The following LRP8 variants were observed in gnomAD, a reference collection of about 807,000 sequenced individuals.
The protein encoded by LRP8 is low-density lipoprotein receptor-related protein 8.
In LRP8, 46 loss-of-function variants were observed where a neutral mutation model predicts 111.6. That is an observed-to-expected ratio of 0.41 (90% confidence interval 0.33 to 0.53). LRP8 has a LOEUF of 0.53. Among genes scored for constraint, LRP8 ranks in the 20% least tolerant of loss-of-function variants. LRP8 has a pLI of 0.20. For synonymous variants in LRP8, 464 were observed against 511.2 expected (o/e 0.91, Z 1.24); for missense variants, 959 against 1,297.4 (o/e 0.74, Z 4.01).
intron 3 of LRP8, among the ~76,000 whole-genome samples, chr1:53,283,172 C>G (rs906019624): frequency 6.6e-6 from 1 of 152,070 alleles, no homozygotes; most frequent in African/African-American, 2.4e-5. Flanking sequence ...GATCAGTACT[C>G]TTACAAAAGA....
At position 53,244,715 on chromosome 1, in the gene LRP8, G is replaced by T. The variant is rs1430831854; in HGVS notation, c.*2303C>A. 6.6e-6 allele frequency: 1 copy of T among 152,188 alleles called. No homozygotes were observed. The highest frequency in any genetic ancestry group is 1.5e-5 in the Non-Finnish European group (1 of 68,034). 9.4% of individuals were successfully genotyped at this position (152,188 alleles called of 1,614,324 possible). ...TTTCTGTGAATGCCAGGATCTTACT[G>T]AAAGTTTAGAAACTATGCCTTAGCC... is the stretch of plus-strand genomic sequence containing the variant. On this transcript the variant is annotated 3_prime_UTR_variant, in exon 19 of 19. Coordinates refer to ENST00000306052, the MANE Select transcript of LRP8 (RefSeq NM_004631.5).
In LRP8 at chr1:53,250,591, GGGAAGAAAGGATGGGAA is replaced by G. The variant is rs1025365275; in HGVS notation, c.2676+82_2676+98del. On this transcript the variant is annotated intron_variant, in intron 17 of 18. Transcript: ENST00000306052. The surrounding 1 kb of genome is among the most constrained non-coding windows in gnomAD (Gnocchi z 4.6). ...GGGAAGGACGGAAGGAAGGAAGGGA[GGGAAGAAAGGATGGGAA>G]GGAAGAAAGGATGGGAGGGGAAGAA... 2.9e-5 allele frequency: 30 copies of G among 1,025,492 alleles called. No homozygotes were observed. The highest frequency in any genetic ancestry group is 2.8e-4 in the African/African-American group (18 of 63,238). 63.5% of individuals were successfully genotyped at this position (1,025,492 alleles called of 1,614,324 possible).
chr1:53,249,520 GCTCTGCC>G lies in LRP8; in HGVS notation c.2706_2712del (p.Trp902CysfsTer52). On this transcript the variant is annotated frameshift_variant, in exon 18 of 19. Transcript: ENST00000306052. LOFTEE classifies it high-confidence loss of function. The surrounding 1 kb of genome is among the most constrained non-coding windows in gnomAD (Gnocchi z 4.1). ...GGTTCTCTGGTCTCCCCAAGACAGG[GCTCTGCC>G]CACAGTGGGCGATCAAAGCTGCTGA... is the stretch of plus-strand genomic sequence containing the variant. The G allele has an allele frequency of 6.2e-7, 1 of 1,611,968 alleles. No homozygotes were observed. The highest frequency in any genetic ancestry group is 8.5e-7 in the Non-Finnish European group (1 of 1,178,658).
At chr1:53,313,702 G>C (rs1653402841) in intron 2 of LRP8, among the ~76,000 whole-genome samples, 1 of 152,176 alleles carries the variant, frequency 6.6e-6, no homozygotes, top group South Asian at 2.1e-4. Context: ...GGTGTGGCTG[G>C]ACAGGAGACG....
At chr1:53,296,813 G>A (rs1445932029) in intron 2 of LRP8, among the ~76,000 whole-genome samples, 1 of 152,222 alleles carries the variant, frequency 6.6e-6, no homozygotes, top group African/African-American at 2.4e-5. Flanking sequence ...CCCACTACCA[G>A]AGCCACCCTC....
Position 53,276,883 on chromosome 1 carries a change from T to G in LRP8, c.692A>C (p.Gln231Pro). The change falls in exon 5 of 19, where the codon CAG becomes CCG. Residue 231 changes from glutamine to proline, a missense_variant. Gln to Pro is a moderately conservative substitution (Grantham distance 76). Transcript: ENST00000306052. Reference protein sequence around the residue: ...CIPERWVCDRQFDCEDRSDEA... With the variant: ...CIPERWVCDRPFDCEDRSDEA... ...GTCCGAGCGGTCCTCGCAGTCAAAC[T>G]GGCGGTCGCAGACCCAGCGCTCCGG... 1 of 1,409,546 alleles carries G rather than the reference T, an allele frequency of 7.1e-7. No homozygotes were observed. The highest frequency in any genetic ancestry group is 9.2e-7 in the Non-Finnish European group (1 of 1,084,746). The allele number at this position is 1,409,546 out of a possible 1,614,324, so 87.3% of individuals were successfully genotyped here.
In LRP8 at chr1:53,280,573, G is replaced by C. The variant is rs745578113; in HGVS notation, c.496+14C>G. On this transcript the variant is annotated intron_variant, in intron 4 of 18. Transcript: ENST00000306052. Reference sequence around the variant, plus strand: ...CATGCTTGGCAGACCCTGGAGATCTGACCCCAGACTCACAGGTAGCACAGC... The same window carrying C: ...CATGCTTGGCAGACCCTGGAGATCTCACCCCAGACTCACAGGTAGCACAGC... 6 of 1,610,650 alleles carry C rather than the reference G, an allele frequency of 3.7e-6. No individual in the cohort carries two copies. The Admixed American group carries it at 1.0e-4, about 27-fold the overall frequency.
intron 2 of LRP8, among the ~76,000 whole-genome samples, chr1:53,302,428 C>T (rs1257468915): frequency 1.3e-5 from 2 of 152,108 alleles, no homozygotes; most frequent in Non-Finnish European, 2.9e-5. Context: ...TGGAGACCAC[C>T]AAGGTCGGTG....
intron 15 of LRP8, among the ~76,000 whole-genome samples, chr1:53,256,982 G>C (rs1364259742): frequency 6.6e-6 from 1 of 152,162 alleles, no homozygotes. Flanking sequence ...GTTGTGGAAG[G>C]GTGGTTATTT....
chr1:53,251,682 T>C (rs532760433), intron 16 of LRP8, among the ~76,000 whole-genome samples: 47 of 151,524 alleles, frequency 3.1e-4, no homozygotes, highest in Non-Finnish European at 5.4e-4. Context: ...GCAGTTATCA[T>C]TGCTAATATT....
In LRP8 at chr1:53,259,582, A is replaced by AT. The variant is rs560213424; in HGVS notation, c.2056+881dup. Among the ~76,000 whole-genome samples the AT allele has an allele frequency of 5.8e-3, 858 of 147,046 alleles. 13 individuals carry two copies. Among genetic ancestry groups the AT allele is most frequent in the East Asian group, 0.043 (214 of 5,024 alleles). ...AATTCGTCAAACCTATACTCTAGGA[A>AT]TTTTTTTTTTTTTTAAGAGGTAGGG... On this transcript the variant is annotated intron_variant, in intron 13 of 18. Coordinates refer to ENST00000306052, the MANE Select transcript of LRP8 (RefSeq NM_004631.5).
At chr1:53,309,041 G>A (rs1652521061) in intron 2 of LRP8, among the ~76,000 whole-genome samples, 1 of 152,210 alleles carries the variant, frequency 6.6e-6, no homozygotes, top group South Asian at 2.1e-4. Context: ...TTGGGAGGCT[G>A]AGACGGGCAG....
intron 8 of LRP8, 144 bp downstream of exon 8, chr1:53,270,884 G>C (rs1317543703): frequency 8.5e-7 from 1 of 1,173,410 alleles, no homozygotes; most frequent in Non-Finnish European, 1.2e-6. Context: ...GCTAGACAAG[G>C]GACCGAGGAT....
At position 53,293,475 on chromosome 1, in the gene LRP8, C is replaced by T. The variant is rs1028196032; in HGVS notation, c.245-3786G>A. Among the ~76,000 whole-genome samples the T allele has an allele frequency of 9.2e-5, 14 of 152,258 alleles. No homozygotes were observed. Among genetic ancestry groups the T allele is most frequent in the Middle Eastern group, 6.8e-3 (2 of 294 alleles). ...ATCTTGGTAGCTGTTGTTATTAATC[C>T]CATTGTACAGAAGAGGAAATTAAGG... On this transcript the variant is annotated intron_variant, in intron 2 of 18. Coordinates refer to ENST00000306052, the MANE Select transcript of LRP8 (RefSeq NM_004631.5). This position sits in a 1 kb window ranked among gnomAD's most constrained non-coding sequence, Gnocchi z 4.9.
intron 2 of LRP8, among the ~76,000 whole-genome samples, chr1:53,299,651 G>T (rs188326813): frequency 3.9e-5 from 6 of 152,348 alleles, no homozygotes; most frequent in Non-Finnish European, 7.3e-5. Flanking sequence ...CAGAAGGTCT[G>T]CAGGTTAAAG....
At chr1:53,301,147 A>G (rs1475275058) in intron 2 of LRP8, among the ~76,000 whole-genome samples, 1 of 152,008 alleles carries the variant, frequency 6.6e-6, no homozygotes, top group Non-Finnish European at 1.5e-5. Context: ...CTCAATGGAG[A>G]GAGTGGAAGG....
intron 8 of LRP8, chr1:53,268,249 T>G (rs1646647551): frequency 6.6e-6 from 1 of 152,240 alleles, no homozygotes; most frequent in Non-Finnish European, 1.5e-5. Flanking sequence ...GGAGCCAGGT[T>G]AAAGGGGCAT....
At chr1:53,315,397 C>T (rs891689353) in intron 2 of LRP8, among the ~76,000 whole-genome samples, 111 of 152,294 alleles carry the variant, frequency 7.3e-4, no homozygotes, top group African/African-American at 2.4e-3. Flanking sequence ...TTGAGCACTG[C>T]GCATGCACCA....
At chr1:53,256,742 G>T (rs1375465954) in intron 15 of LRP8, among the ~76,000 whole-genome samples, 1 of 152,274 alleles carries the variant, frequency 6.6e-6, no homozygotes, top group East Asian at 1.9e-4. Context: ...TTCATCCCAG[G>T]GTTGGAAAGA....
Sources: allele counts gnomAD v4.1 joint callset (sites outside exome capture counted in the v4.1 genomes callset), GRCh38; gene constraint gnomAD v4.1.1; non-coding constraint Gnocchi (gnomAD v3.1); transcripts MANE v1.5; gene names NCBI Gene and HGNC (gene_info 2026-07-23, HGNC 2026-07-21).